The following MYH11 variants were observed in gnomAD, a reference collection of about 807,000 sequenced individuals.
MYH11 encodes myosin heavy chain 11, also known as myosin-11.
MYH11 carries 80 observed loss-of-function variants against 246.6 expected under a neutral mutation model. The observed-to-expected ratio is 0.32, with a 90% CI of 0.27 to 0.39. MYH11 has a LOEUF of 0.39. Among genes scored for constraint, MYH11 ranks in the 10% least tolerant of loss-of-function variants. MYH11 has a pLI of 1.00. For synonymous variants in MYH11, 1,071 were observed against 1,015.5 expected (o/e 1.05, Z -1.04); for missense variants, 2,158 against 2,546.8 (o/e 0.85, Z 3.29).
intron 22 of MYH11, 86 bp downstream of exon 22, chr16:15,741,377 A>G: frequency 7.1e-7 from 1 of 1,411,370 alleles, no homozygotes; most frequent in Middle Eastern, 2.1e-4. Context: ...CAGCAGGGAC[A>G]CATATCCCTG....
At chr16:15,777,957 A>T (rs375557539) in intron 7 of MYH11, among the ~76,000 whole-genome samples, 3 of 152,120 alleles carry the variant, frequency 2.0e-5, no homozygotes, top group Non-Finnish European at 4.4e-5. Flanking sequence ...TCCAGGGCAC[A>T]TAACGTGGAA....
chr16:15,798,543 G>T, intron 4 of MYH11, 117 bp downstream of exon 4: 1 of 1,082,306 alleles, frequency 9.2e-7, no homozygotes, highest in Non-Finnish European at 1.3e-6. Context: ...TTGGAACCAT[G>T]AACAAATCAA....
intron 40 of MYH11, chr16:15,708,922 G>T (rs1278634767): frequency 1.8e-5 from 24 of 1,367,696 alleles, no homozygotes; most frequent in Non-Finnish European, 1.0e-6. Context: ...AATTGTTAAA[G>T]ACATTTGCTT....
At chr16:15,763,741 T>TCGCCGCCCCCC in intron 10 of MYH11, 55 bp downstream of exon 10, 1 of 646,862 alleles carries the variant, frequency 1.5e-6, no homozygotes. Context: ...AAATGTCACC[T>TCGCCGCCCCCC]CCCCCACCCC....
intron 6 of MYH11, 89 bp from the exon 7 acceptor site, chr16:15,778,932 G>A: frequency 4.1e-6 from 5 of 1,221,232 alleles, no homozygotes; most frequent in Non-Finnish European, 6.1e-6. Flanking sequence ...AGATGGTACA[G>A]AGGATGGGAG....
intron 3 of MYH11, among the ~76,000 whole-genome samples, chr16:15,805,320 T>G (rs978877468): frequency 1.3e-5 from 2 of 152,214 alleles, no homozygotes; most frequent in South Asian, 4.1e-4. Flanking sequence ...GCCTAGTGGT[T>G]CCCATGGTCC....
chr16:15,784,433 G>C (rs2042421707), intron 5 of MYH11, among the ~76,000 whole-genome samples: 1 of 152,164 alleles, frequency 6.6e-6, no homozygotes, highest in African/African-American at 2.4e-5. Context: ...TTCTGAACCG[G>C]AGAAATCCAT....
At chr16:15,736,598 G>T (rs1016626449) in intron 25 of MYH11, among the ~76,000 whole-genome samples, 1 of 152,136 alleles carries the variant, frequency 6.6e-6, no homozygotes, top group African/African-American at 2.4e-5. Context: ...TTGTGAGCAG[G>T]TTCCTGCCCC....
At chr16:15,744,517 A>C (rs943240455) in intron 20 of MYH11, among the ~76,000 whole-genome samples, 2 of 149,078 alleles carry the variant, frequency 1.3e-5, no homozygotes, top group Admixed American at 1.3e-4. Flanking sequence ...AAAAAAAAAG[A>C]AAGAAGAGAC....
intron 24 of MYH11, 86 bp downstream of exon 24, chr16:15,738,479 C>G (rs1057185742): frequency 1.6e-4 from 221 of 1,350,460 alleles, no homozygotes; most frequent in Middle Eastern, 5.3e-4. Flanking sequence ...CACCACTGCA[C>G]TGCAGCCTGG....
At chr16:15,779,107 T>C in intron 6 of MYH11, 1 of 590,588 alleles carries the variant, frequency 1.7e-6, no homozygotes, top group Non-Finnish European at 3.0e-6. Context: ...CCGTAGTCCA[T>C]CATGGCTATC....
intron 8 of MYH11, among the ~76,000 whole-genome samples, chr16:15,774,494 T>G (rs2042175172): frequency 6.6e-6 from 1 of 152,226 alleles, no homozygotes; most frequent in Non-Finnish European, 1.5e-5. Context: ...TAATATACCA[T>G]GTTTGCTGGT....
intron 10 of MYH11, among the ~76,000 whole-genome samples, chr16:15,762,742 G>A (rs144288630): frequency 2.0e-5 from 3 of 152,254 alleles, no homozygotes; most frequent in Non-Finnish European, 4.4e-5. Context: ...ATAAAACTCT[G>A]TTCTCCCATG....
In MYH11 at chr16:15,775,030, T is replaced by A. The variant is rs975321122; in HGVS notation, c.889+1048A>T. On this transcript the variant is annotated intron_variant, in intron 8 of 40. Coordinates refer to ENST00000300036, the MANE Select transcript of MYH11 (RefSeq NM_002474.3). ...AACTAACCTTGGGCCACAAAAGAGA[T>A]GGGAAGCAAAGTCTGTATTGTTCCC... 3.9e-5 allele frequency among the ~76,000 whole-genome samples: 6 copies of A among 152,214 alleles called. No homozygotes were observed. In the South Asian group the frequency reaches 6.2e-4, roughly 16 times the overall value.
At chr16:15,726,369 C>CTTTT (rs781567624) in intron 28 of MYH11, 3 of 149,614 alleles carry the variant, frequency 2.0e-5, no homozygotes, top group Admixed American at 6.4e-5. Context: ...GGTTTTTTTT[C>CTTTT]TTTTTTTTTT....
At chr16:15,737,131 T>C (rs1189169959) in intron 25 of MYH11, among the ~76,000 whole-genome samples, 1 of 151,998 alleles carries the variant, frequency 6.6e-6, no homozygotes, top group African/African-American at 2.4e-5. Context: ...AATTGACTCA[T>C]TGGGCAATCG....
At chr16:15,795,575 C>T (rs2042726142) in intron 4 of MYH11, among the ~76,000 whole-genome samples, 1 of 152,216 alleles carries the variant, frequency 6.6e-6, no homozygotes, top group African/African-American at 2.4e-5. Context: ...CACGCCATTG[C>T]ACTCTAGCCT....
At chr16:15,731,993 G>T (rs552607572) in intron 27 of MYH11, among the ~76,000 whole-genome samples, 82 of 151,796 alleles carry the variant, frequency 5.4e-4, no homozygotes, top group Admixed American at 1.1e-3. Flanking sequence ...ATGGAATCCT[G>T]CTCTGTTGCT....
At chr16:15,819,852 A>G (rs2043359556) in intron 3 of MYH11, among the ~76,000 whole-genome samples, 1 of 152,224 alleles carries the variant, frequency 6.6e-6, no homozygotes, top group Non-Finnish European at 1.5e-5. Context: ...AGTCCCCACA[A>G]CACAAAAGTA....
Sources: allele counts gnomAD v4.1 joint callset (sites outside exome capture counted in the v4.1 genomes callset), GRCh38; gene constraint gnomAD v4.1.1; transcripts MANE v1.5; gene names NCBI Gene and HGNC (gene_info 2026-07-23, HGNC 2026-07-21).